The following CCNY variants were observed in gnomAD, a reference collection of about 807,000 sequenced individuals.
The protein encoded by CCNY is cyclin-Y.
CCNY carries 19 observed loss-of-function variants against 42.8 expected under a neutral mutation model. The observed-to-expected ratio is 0.44, with a 90% CI of 0.31 to 0.65. CCNY has a LOEUF of 0.65. Ranked by LOEUF, CCNY falls within the 30% of genes least tolerant of loss-of-function variation. The probability of loss-of-function intolerance (pLI) is 0.07; values close to 1 mark genes in which losing one functional copy is unlikely to be tolerated. For synonymous variants in CCNY, 165 were observed against 162.7 expected (o/e 1.01, Z -0.11); for missense variants, 370 against 437.3 (o/e 0.85, Z 1.37).
At chr10:35,394,698 A>C (rs1837485077) in intron 1 of CCNY, 1 of 200,820 alleles carries the variant, frequency 5.0e-6, no homozygotes, top group African/African-American at 2.4e-5. Flanking sequence ...TATCTCTGAC[A>C]TCTTGTGCCT....
At chr10:35,304,289 C>A (rs570411601) in intron 3 of CCNY, among the ~76,000 whole-genome samples, 15 of 118,392 alleles carry the variant, frequency 1.3e-4, no homozygotes, top group African/African-American at 3.8e-5. Context: ...CTTTTTTCTC[C>A]TTTTATTTTT....
chr10:35,438,911 A>G (rs1838602298), intron 1 of CCNY, among the ~76,000 whole-genome samples: 3 of 152,082 alleles, frequency 2.0e-5, no homozygotes, highest in African/African-American at 7.2e-5. Context: ...TCATTCCTTA[A>G]TGATATTTTT....
intron 1 of CCNY, among the ~76,000 whole-genome samples, chr10:35,382,655 T>C (rs1227091366): frequency 6.6e-6 from 1 of 152,088 alleles, no homozygotes; most frequent in African/African-American, 2.4e-5. Context: ...CAGTAAAGAA[T>C]TACCGGGCCC....
intron 3 of CCNY, among the ~76,000 whole-genome samples, chr10:35,510,882 A>G (rs1386674978): frequency 1.3e-5 from 2 of 152,238 alleles, no homozygotes; most frequent in African/African-American, 4.8e-5. Flanking sequence ...GTCCTCTGTA[A>G]GTAACTTGCC....
At chr10:35,380,629 T>G (rs1180171062) in intron 1 of CCNY, among the ~76,000 whole-genome samples, 1 of 152,254 alleles carries the variant, frequency 6.6e-6, no homozygotes, top group Non-Finnish European at 1.5e-5. Context: ...TCACATGCTT[T>G]ACTTTTATCA....
rs192798036 is a variant in CCNY at position 35,503,871 on chromosome 10, C to T, written c.264+2336C>T. ...GTTCCTCAGATAATAACACCAGTTC[C>T]CATGTGACAGAGGTTGTTTAGCTTG... is the stretch of plus-strand genomic sequence containing the variant. On this transcript the variant is annotated intron_variant, in intron 3 of 9. Transcript: ENST00000374704. Among the ~76,000 whole-genome samples the T allele has an allele frequency of 7.2e-5, 11 of 152,284 alleles. No individual in the cohort carries two copies. The East Asian group carries it at 2.1e-3, about 29-fold the overall frequency.
At chr10:35,354,104 C>G (rs1836487833) in intron 1 of CCNY, among the ~76,000 whole-genome samples, 1 of 152,036 alleles carries the variant, frequency 6.6e-6, no homozygotes, top group African/African-American at 2.4e-5. Context: ...CATAGGGCAG[C>G]TGGCTTCCCC....
chr10:35,289,283 C>T (rs1444053927), intron 3 of CCNY: 1 of 152,092 alleles, frequency 6.6e-6, no homozygotes, highest in Non-Finnish European at 1.5e-5. Flanking sequence ...TAACAATGTA[C>T]ATTTTTTAGG....
chr10:35,330,180 T>C (rs1835925885), intron 3 of CCNY, among the ~76,000 whole-genome samples: 1 of 152,212 alleles, frequency 6.6e-6, no homozygotes, highest in East Asian at 1.9e-4. Flanking sequence ...TCACCTTGGA[T>C]AGAAAGATTT....
At chr10:35,300,964 C>T (rs1189923681) in intron 3 of CCNY, among the ~76,000 whole-genome samples, 1 of 152,110 alleles carries the variant, frequency 6.6e-6, no homozygotes, top group African/African-American at 2.4e-5. Context: ...ACCACCATGC[C>T]TGGCTAATTT....
intron 1 of CCNY, among the ~76,000 whole-genome samples, chr10:35,453,689 A>G (rs925949384): frequency 1.2e-4 from 18 of 152,240 alleles, no homozygotes; most frequent in Non-Finnish European, 1.8e-4. Context: ...AAGTGATTAG[A>G]AACTTTTAAG....
At chr10:35,373,101 G>C (rs1836974517) in intron 1 of CCNY, among the ~76,000 whole-genome samples, 1 of 152,246 alleles carries the variant, frequency 6.6e-6, no homozygotes, top group African/African-American at 2.4e-5. Context: ...AATGTAGTAA[G>C]AAAACTTAAT....
chr10:35,491,739 G>A (rs1310983978), intron 2 of CCNY, among the ~76,000 whole-genome samples: 1 of 151,800 alleles, frequency 6.6e-6, no homozygotes, highest in African/African-American at 2.4e-5. Flanking sequence ...TCAGCCTCCC[G>A]AGTAGCTGGG....
intron 3 of CCNY, among the ~76,000 whole-genome samples, chr10:35,262,951 C>T (rs2095721254): frequency 6.6e-6 from 1 of 151,270 alleles, no homozygotes; most frequent in Non-Finnish European, 1.5e-5. Context: ...CGTGTGGTGG[C>T]TCATACCTGT....
At chr10:35,434,942 T>C (rs944500381) in intron 1 of CCNY, among the ~76,000 whole-genome samples, 5 of 152,342 alleles carry the variant, frequency 3.3e-5, no homozygotes, top group African/African-American at 1.2e-4. Context: ...TCCTTTTTAC[T>C]TTGAGAATGT....
At chr10:35,261,800 C>T (rs573284618) in intron 3 of CCNY, among the ~76,000 whole-genome samples, 1 of 152,152 alleles carries the variant, frequency 6.6e-6, no homozygotes, top group East Asian at 2.0e-4. Flanking sequence ...GCAGGCAGAT[C>T]ACCTGAGGTC....
chr10:35,395,539 G>A (rs1270190811), intron 1 of CCNY, among the ~76,000 whole-genome samples: 10 of 152,194 alleles, frequency 6.6e-5, no homozygotes, highest in Non-Finnish European at 1.0e-4. Context: ...GGGGGGTTGT[G>A]GGGGACAGTA....
At chr10:35,388,229 A>G (rs1837338208) in intron 1 of CCNY, among the ~76,000 whole-genome samples, 1 of 152,208 alleles carries the variant, frequency 6.6e-6, no homozygotes. Context: ...GTATTTGTAG[A>G]GTATATAGGT....
chr10:35,494,630 A>G (rs1310159324), intron 2 of CCNY, among the ~76,000 whole-genome samples: 2 of 152,222 alleles, frequency 1.3e-5, no homozygotes, highest in Non-Finnish European at 2.9e-5. Flanking sequence ...TGAAATCATC[A>G]GTGATGGAAA....
Sources: allele counts gnomAD v4.1 joint callset (sites outside exome capture counted in the v4.1 genomes callset), GRCh38; gene constraint gnomAD v4.1.1; transcripts MANE v1.5; gene names NCBI Gene and HGNC (gene_info 2026-07-23, HGNC 2026-07-21).